Variants in ACBD3 observed in about 807,000 individuals in gnomAD.
ACBD3 encodes Golgi resident protein GCP60.
In ACBD3, 30 loss-of-function variants were observed where a neutral mutation model predicts 66.9. The ratio of observed to expected loss-of-function variants is 0.45; its 90% confidence interval spans 0.34 to 0.61. The LOEUF (loss-of-function observed/expected upper bound fraction) is 0.61, where lower values mean the gene tolerates loss of function less well. Ranked by LOEUF, ACBD3 falls within the 20% of genes least tolerant of loss-of-function variation. The pLI is 0.02. For synonymous variants in ACBD3, 278 were observed against 259.8 expected (o/e 1.07, Z -0.68); for missense variants, 544 against 664.5 (o/e 0.82, Z 1.99).
chr1:226,148,734 G>A (rs1659505277), intron 7 of ACBD3, among the ~76,000 whole-genome samples: 1 of 152,078 alleles, frequency 6.6e-6, no homozygotes, highest in South Asian at 2.1e-4. Flanking sequence ...AAGACCTAAG[G>A]AAGAAAAACC....
At chr1:226,180,828 GTC>G (rs1216465963) in intron 1 of ACBD3, among the ~76,000 whole-genome samples, 3 of 152,058 alleles carry the variant, frequency 2.0e-5, no homozygotes, top group Non-Finnish European at 2.9e-5. Context: ...GTGAAACCCT[GTC>G]TGTACTAAAA....
At chr1:226,155,796 C>G (rs1374681803) in intron 5 of ACBD3, among the ~76,000 whole-genome samples, 1 of 152,174 alleles carries the variant, frequency 6.6e-6, no homozygotes, top group African/African-American at 2.4e-5. Context: ...AACAGACTTA[C>G]AGGATGCAAT....
At position 226,146,819 on chromosome 1, in the gene ACBD3, T is replaced by A. The variant is rs1486785284; in HGVS notation, c.1378A>T (p.Asn460Tyr). The change falls in exon 8 of 8, where the codon AAC (asparagine) becomes TAC (tyrosine). Residue 460 changes from asparagine to tyrosine, a missense_variant and splice_region_variant. This residue lies in a region of ACBD3 where 383 missense variants were observed against 462.4 expected (regional missense o/e 0.83). Transcript: ENST00000366812. The part of the protein sequence containing the change: ...SSDDDEEEEE[N>Y]IGCEEKAKKN... The stretch of plus-strand genomic sequence containing the variant: ...TTGGCTTTCTCTTCACAACCGATGT[T>A]TTCTGTAAGAACAGAGACAAGTCAA... 6.2e-7 allele frequency: 1 copy of A among 1,614,084 alleles called. No individual in the cohort carries two copies. Among genetic ancestry groups the A allele is most frequent in the African/African-American group, 1.3e-5 (1 of 75,042 alleles).
At chr1:226,170,151 CTTTT>C (rs5781423) in intron 1 of ACBD3, among the ~76,000 whole-genome samples, 1 of 136,776 alleles carries the variant, frequency 7.3e-6, no homozygotes, top group African/African-American at 2.7e-5. Flanking sequence ...TTTTCCTTTC[CTTTT>C]TTTTTTTGGT....
chr1:226,175,091 CAAAA>C (rs35201518), intron 1 of ACBD3, among the ~76,000 whole-genome samples: 1 of 75,996 alleles, frequency 1.3e-5, no homozygotes, highest in Non-Finnish European at 2.6e-5. Flanking sequence ...GACTCCATCT[CAAAA>C]AAAAAAAAAA....
intron 5 of ACBD3, among the ~76,000 whole-genome samples, chr1:226,157,225 T>G (rs1659691164): frequency 6.7e-6 from 1 of 149,052 alleles, no homozygotes; most frequent in African/African-American, 2.5e-5. Flanking sequence ...GTTTGATCAC[T>G]CTAATCTCAA....
chr1:226,166,262 C>T (rs1659876801), intron 1 of ACBD3, among the ~76,000 whole-genome samples: 1 of 151,282 alleles, frequency 6.6e-6, no homozygotes, highest in Non-Finnish European at 1.5e-5. Flanking sequence ...CTCAAATGAC[C>T]CTCCCACCTC....
chr1:226,185,566 G>A (rs1656278976), intron 1 of ACBD3, among the ~76,000 whole-genome samples: 2 of 150,754 alleles, frequency 1.3e-5, no homozygotes, highest in Non-Finnish European at 2.9e-5. Flanking sequence ...TTTTCCCACT[G>A]ACAAAAATCA....
At chr1:226,160,040 G>T (rs1659742506) in intron 4 of ACBD3, among the ~76,000 whole-genome samples, 1 of 151,782 alleles carries the variant, frequency 6.6e-6, no homozygotes, top group African/African-American at 2.4e-5. Flanking sequence ...AAATATCTTG[G>T]CATGCTTAGT....
chr1:226,186,631 G>A lies in ACBD3; in HGVS notation c.45C>T (p.Asp15=). 1 of 1,510,758 alleles carries A rather than the reference G, an allele frequency of 6.6e-7. No homozygotes were observed. The highest frequency in any genetic ancestry group is 1.2e-5 in the South Asian group (1 of 81,972). The allele number at this position is 1,510,758 out of a possible 1,614,324, so 93.6% of individuals were successfully genotyped here. ...CCGGGTCCGGGCTGAGCGTGAGGCC[G>A]TCGACGGACACCTCGAGTCGCTCTG... ...LNAERLEVSV[D]GLTLSPDPEE... The change falls in exon 1 of 8, where the codon GAC becomes GAT. Residue 15 remains aspartate, a synonymous_variant. Coordinates refer to ENST00000366812, the MANE Select transcript of ACBD3 (RefSeq NM_022735.4).
chr1:226,154,877 A>G (rs113152226), intron 5 of ACBD3, 44 bp from the exon 6 acceptor site: 2 of 1,530,792 alleles, frequency 1.3e-6, no homozygotes, highest in Non-Finnish European at 1.8e-6. Context: ...CAGGAAGGCT[A>G]GCAAATAAGA....
At chr1:226,171,534 ATATT>A (rs992643483) in intron 1 of ACBD3, among the ~76,000 whole-genome samples, 1 of 151,826 alleles carries the variant, frequency 6.6e-6, no homozygotes, top group African/African-American at 2.4e-5. Context: ...CTTAAAAAGT[ATATT>A]TATTTATTTA....
chr1:226,177,036 T>C (rs894651733), intron 1 of ACBD3, among the ~76,000 whole-genome samples: 2 of 152,314 alleles, frequency 1.3e-5, no homozygotes, highest in East Asian at 1.9e-4. Flanking sequence ...GAAGATTACA[T>C]TCAGCCGTGA....
intron 6 of ACBD3, among the ~76,000 whole-genome samples, chr1:226,153,882 A>G (rs934332238): frequency 1.7e-4 from 26 of 152,168 alleles, no homozygotes; most frequent in African/African-American, 6.3e-4. Context: ...TGACCAACAG[A>G]ATATGGTGGG....
In ACBD3 at chr1:226,159,184, C is replaced by T; in HGVS notation, c.903G>A (p.Gln301=). 6.2e-7 allele frequency: 1 copy of T among 1,614,124 alleles called. No homozygotes were observed. Among genetic ancestry groups the T allele is most frequent in the Non-Finnish European group, 8.5e-7 (1 of 1,179,978 alleles). The change falls in exon 5 of 8, where the codon CAG becomes CAA. Residue 301 remains glutamine, a splice_region_variant and synonymous_variant. Coordinates refer to ENST00000366812, the MANE Select transcript of ACBD3 (RefSeq NM_022735.4). ...QLYQVQLAQQ[Q]AALQKQQEVV... ...TGAATTCTAGGGTTGTCTATCGTAC[C>T]TGTTGCTGTGCAAGCTGGACTTGAT... is the stretch of plus-strand genomic sequence containing the variant.
chr1:226,154,619 T>C, intron 6 of ACBD3, 28 bp downstream of exon 6: 1 of 1,584,300 alleles, frequency 6.3e-7, no homozygotes, highest in Non-Finnish European at 8.6e-7. Flanking sequence ...AATTATGACA[T>C]CTGGACAAAC....
chr1:226,178,227 G>A lies in ACBD3; in HGVS notation c.286+8163C>T, dbSNP rs140136443. Among the ~76,000 whole-genome samples, 5 of 152,116 alleles carry A rather than the reference G, an allele frequency of 3.3e-5. No individual in the cohort carries two copies. The East Asian group carries it at 9.7e-4, about 29-fold the overall frequency. On this transcript the variant is annotated intron_variant, in intron 1 of 7. Transcript: ENST00000366812. ...AGCATAATTTGATACCAAGTCCAAAGCTCTGAAAGATTACAATTAAGTCCC... is the reference window on the plus strand; with the variant it reads ...AGCATAATTTGATACCAAGTCCAAAACTCTGAAAGATTACAATTAAGTCCC...
intron 7 of ACBD3, among the ~76,000 whole-genome samples, chr1:226,148,855 A>C (rs917012474): frequency 2.0e-5 from 3 of 152,188 alleles, no homozygotes; most frequent in Admixed American, 6.5e-5. Flanking sequence ...TAAATCTTTA[A>C]ATGGGATGAA....
intron 5 of ACBD3, among the ~76,000 whole-genome samples, chr1:226,156,073 T>C (rs1366199265): frequency 6.6e-6 from 1 of 152,236 alleles, no homozygotes. Flanking sequence ...GTACAAATGA[T>C]AAATTACACA....
Sources: gnomAD v4.1 joint callset for allele counts (sites outside exome capture counted in the v4.1 genomes callset) on GRCh38, gnomAD v4.1.1 for gene constraint, gnomAD v4.1.1 regional missense constraint, MANE v1.5 for transcripts, NCBI Gene and HGNC (gene_info 2026-07-23, HGNC 2026-07-21) for gene names.